The following FAAH2 variants were observed in gnomAD, a reference collection of about 807,000 sequenced individuals.
FAAH2 encodes the protein fatty acid amide hydrolase 2.
In FAAH2, 60 loss-of-function variants were observed where a neutral mutation model predicts 36.9. The ratio of observed to expected loss-of-function variants is 1.63; its 90% confidence interval spans 1.32 to 2.02. FAAH2 has a LOEUF of 2.02. Among genes scored for constraint, FAAH2 ranks in the 30% most tolerant of loss-of-function variants. FAAH2 has a pLI of 0.00. For missense variants in FAAH2, 689 were observed against 397.5 expected (o/e 1.73, Z -6.23); for synonymous variants, 214 against 143.8 (o/e 1.49, Z -3.49).
chrX:57,378,734 G>A lies in FAAH2; in HGVS notation c.826G>A (p.Ala276Thr), dbSNP rs1287688958. 1 of 1,208,348 alleles carries A rather than the reference G, an allele frequency of 8.3e-7. No homozygotes were observed. Among genetic ancestry groups the A allele is most frequent in the African/African-American group, 1.8e-5 (1 of 56,911 alleles). ...GTGCACTGGTCCTATGTGCCGTTAT[G>A]CTGAAGACCTGGCCCCCATGTTGAA... ...FLCTGPMCRY[A>T]EDLAPMLKVM... is the part of the protein sequence containing the mutation. The change falls in exon 6 of 11, where the codon GCT becomes ACT. Residue 276 changes from alanine (A) to threonine (T), a missense_variant. Physicochemically the swap from Ala to Thr is moderately conservative, Grantham distance 58 (BLOSUM62 0). Coordinates refer to ENST00000374900, the MANE Select transcript of FAAH2 (RefSeq NM_174912.4).
the FAAH2 span, among the ~76,000 whole-genome samples, chrX:57,255,106 C>T: frequency 1.8e-5 from 2 of 111,513 alleles, no homozygotes; most frequent in Non-Finnish European, 3.8e-5. Context: ...CACCACCGAT[C>T]CCACAGAAAT....
intron 7 of FAAH2, among the ~76,000 whole-genome samples, chrX:57,389,142 G>A (rs1472871646): frequency 9.5e-6 from 1 of 104,823 alleles, no homozygotes; most frequent in African/African-American, 3.4e-5. Context: ...TGCTTTGTTA[G>A]AAATCTTGAG....
the FAAH2 span, among the ~76,000 whole-genome samples, chrX:57,172,301 A>G: frequency 1.8e-5 from 2 of 111,472 alleles, no homozygotes; most frequent in Non-Finnish European, 3.8e-5. Flanking sequence ...TGAGATGGGA[A>G]GAGTTCCCTT....
intron 10 of FAAH2, among the ~76,000 whole-genome samples, chrX:57,482,985 C>A (rs1191924453): frequency 2.7e-5 from 3 of 109,740 alleles, no homozygotes; most frequent in Non-Finnish European, 5.7e-5. Flanking sequence ...TCACTATATA[C>A]CTTCATAATG....
intron 7 of FAAH2, among the ~76,000 whole-genome samples, chrX:57,422,550 A>T (rs1835698): frequency 0.53 from 58,813 of 110,555 alleles, 13,787 homozygotes; most frequent in Non-Finnish European, 0.73. Context: ...TCATGGACTC[A>T]CTGTACACGC....
At chrX:57,473,247 AT>A (rs912033593) in intron 10 of FAAH2, among the ~76,000 whole-genome samples, 29 of 110,740 alleles carry the variant, frequency 2.6e-4, no homozygotes, top group Non-Finnish European at 4.0e-4. Flanking sequence ...ATACACTTCA[AT>A]TTTTTTTAAA....
intron 5 of FAAH2, among the ~76,000 whole-genome samples, chrX:57,350,223 C>A (rs1470584029): frequency 9.0e-6 from 1 of 110,854 alleles, no homozygotes; most frequent in African/African-American, 3.3e-5. Context: ...GAATTTGTCA[C>A]GATTAGATTG....
At chrX:57,162,689 T>G in the FAAH2 span, among the ~76,000 whole-genome samples, 1 of 112,408 alleles carries the variant, frequency 8.9e-6, no homozygotes, top group East Asian at 2.8e-4. Flanking sequence ...ACGTAGTTCT[T>G]GAGCCTTGGT....
chrX:57,307,090 G>A lies in FAAH2; in HGVS notation c.276-3503G>A, dbSNP rs1292124695. Reference sequence around the variant, plus strand: ...TGACAACAGGGTTTTTACCCCTATCGTTGGGCCAGTAGTACTCAGAGAACA... The same window carrying A: ...TGACAACAGGGTTTTTACCCCTATCATTGGGCCAGTAGTACTCAGAGAACA... On this transcript the variant is annotated intron_variant, in intron 2 of 10. Transcript: ENST00000374900. 5.4e-5 allele frequency among the ~76,000 whole-genome samples: 5 copies of A among 91,796 alleles called. No individual in the cohort carries two copies. The East Asian group carries it at 1.4e-3, about 27-fold the overall frequency. 79.7% of individuals were successfully genotyped at this position (91,796 alleles called of 115,157 possible).
chrX:57,380,603 C>A (rs776403697), intron 6 of FAAH2, among the ~76,000 whole-genome samples: 1 of 111,583 alleles, frequency 9.0e-6, no homozygotes, highest in Non-Finnish European at 1.9e-5. Flanking sequence ...TACATCTTTA[C>A]ATATCTCTCC....
chrX:57,354,300 C>A (rs929723701), intron 5 of FAAH2, among the ~76,000 whole-genome samples: 1 of 110,823 alleles, frequency 9.0e-6, no homozygotes, highest in African/African-American at 3.3e-5. Flanking sequence ...GAACTGACAT[C>A]ATTATATTTA....
At chrX:57,249,297 AG>A in the FAAH2 span, among the ~76,000 whole-genome samples, 1 of 112,200 alleles carries the variant, frequency 8.9e-6, no homozygotes, top group Admixed American at 9.5e-5. Context: ...TGGAGAAACT[AG>A]TGCTTTAGTA....
intron 7 of FAAH2, among the ~76,000 whole-genome samples, chrX:57,392,131 G>A (rs903017473): frequency 9.0e-6 from 1 of 111,390 alleles, no homozygotes; most frequent in African/African-American, 3.3e-5. Flanking sequence ...TTGGTGTATC[G>A]AAATGCTACT....
At chrX:57,151,682 T>C in the FAAH2 span, among the ~76,000 whole-genome samples, 1 of 111,404 alleles carries the variant, frequency 9.0e-6, no homozygotes. Flanking sequence ...TTCAAAGTTT[T>C]TAACTTCTTT....
At chrX:57,448,834 G>T in intron 10 of FAAH2, 116 bp downstream of exon 10, 3 of 701,329 alleles carry the variant, frequency 4.3e-6, no homozygotes. Context: ...AGGTATAAAA[G>T]TGCTGTGTGA....
chrX:57,166,108 G>T, the FAAH2 span, among the ~76,000 whole-genome samples: 1 of 109,757 alleles, frequency 9.1e-6, no homozygotes, highest in African/African-American at 3.3e-5. Flanking sequence ...GGGATGATGT[G>T]GAATTCAGCT....
At chrX:57,219,948 A>G in the FAAH2 span, among the ~76,000 whole-genome samples, 1 of 103,992 alleles carries the variant, frequency 9.6e-6, no homozygotes, top group Non-Finnish European at 1.9e-5. Flanking sequence ...CGCAAATGGA[A>G]CATTCAACTT....
At chrX:57,350,701 A>G (rs768918272) in intron 5 of FAAH2, among the ~76,000 whole-genome samples, 15 of 111,119 alleles carry the variant, frequency 1.3e-4, no homozygotes, top group Non-Finnish European at 2.5e-4. Context: ...GGGCAGGAGT[A>G]GCTACATTTT....
At chrX:57,148,485 G>T in the FAAH2 span, among the ~76,000 whole-genome samples, 12 of 110,852 alleles carry the variant, frequency 1.1e-4, no homozygotes, top group East Asian at 5.6e-4. Flanking sequence ...CACATCCCTT[G>T]TAAGTTGGAT....
Sources: gnomAD v4.1 joint callset for allele counts (sites outside exome capture counted in the v4.1 genomes callset) on GRCh38, gnomAD v4.1.1 for gene constraint, MANE v1.5 for transcripts, NCBI Gene and HGNC (gene_info 2026-07-23, HGNC 2026-07-21) for gene names.